The following RERE variants were observed in gnomAD, a reference collection of about 807,000 sequenced individuals.
RERE encodes arginine-glutamic acid dipeptide repeats.
Under a neutral mutation model 146.1 loss-of-function variants are expected in RERE, and 40 were observed. The ratio of observed to expected loss-of-function variants is 0.27; its 90% CI spans 0.21 to 0.36. The LOEUF is 0.36. Among genes scored for constraint, RERE ranks in the 10% least tolerant of loss-of-function variants. The pLI is 1.00. For missense variants in RERE, 1,933 were observed against 2,138.7 expected, an observed-to-expected ratio of 0.90 and a Z score of 1.90; for synonymous variants, 1,003 against 866.0, an observed-to-expected ratio of 1.16 and a Z score of -2.78.
intron 1 of RERE, among the ~76,000 whole-genome samples, chr1:8,659,022 TCC>T (rs1638393342): frequency 1.3e-5 from 2 of 152,242 alleles, no homozygotes; most frequent in South Asian, 2.1e-4. Context: ...CTAGATTACT[TCC>T]TTCTATGTAA....
At chr1:8,758,667 G>C (rs12057429) in intron 1 of RERE, among the ~76,000 whole-genome samples, 1 of 151,934 alleles carries the variant, frequency 6.6e-6, no homozygotes, top group Admixed American at 6.6e-5. Context: ...AGCTGAAGTA[G>C]AAGCAAAGAG....
At chr1:8,750,275 A>G (rs994383075) in intron 1 of RERE, among the ~76,000 whole-genome samples, 5 of 152,166 alleles carry the variant, frequency 3.3e-5, no homozygotes, top group African/African-American at 1.2e-4. Flanking sequence ...TGTTCAATAA[A>G]TGAATGCTTC....
At chr1:8,654,719 G>A (rs888415868) in intron 2 of RERE, among the ~76,000 whole-genome samples, 3 of 149,996 alleles carry the variant, frequency 2.0e-5, no homozygotes, top group Admixed American at 6.7e-5. Context: ...CTACAGCCTC[G>A]ACCTCCCAGA....
At chr1:8,593,135 C>T (rs961385194) in intron 4 of RERE, among the ~76,000 whole-genome samples, 2 of 152,158 alleles carry the variant, frequency 1.3e-5, no homozygotes, top group African/African-American at 4.8e-5. Flanking sequence ...CATTCAACGT[C>T]CATTCTCCCC....
chr1:8,408,432 G>C (rs536318348), intron 12 of RERE, among the ~76,000 whole-genome samples: 1 of 152,290 alleles, frequency 6.6e-6, no homozygotes, highest in Non-Finnish European at 1.5e-5. Context: ...AGGATGCCCT[G>C]CTGTACAACC....
At chr1:8,511,525 A>T (rs1645335038) in intron 7 of RERE, among the ~76,000 whole-genome samples, 1 of 152,244 alleles carries the variant, frequency 6.6e-6, no homozygotes, top group African/African-American at 2.4e-5. Flanking sequence ...CAGAATATAG[A>T]ATAAATGGCA....
At chr1:8,459,001 T>C (rs528726250) in intron 11 of RERE, among the ~76,000 whole-genome samples, 5 of 152,256 alleles carry the variant, frequency 3.3e-5, no homozygotes, top group African/African-American at 2.4e-5. Context: ...TGCAAACTAA[T>C]TGACAGAACT....
chr1:8,766,574 A>G (rs538989125), intron 1 of RERE, among the ~76,000 whole-genome samples: 154 of 151,882 alleles, frequency 1.0e-3, no homozygotes, highest in Non-Finnish European at 1.8e-3. Context: ...GAAAAGAAAA[A>G]AAAGAGAGAG....
At chr1:8,464,474 G>A (rs556540728) in intron 11 of RERE, among the ~76,000 whole-genome samples, 4 of 152,204 alleles carry the variant, frequency 2.6e-5, no homozygotes, top group South Asian at 2.1e-4. Flanking sequence ...CGGCCAGTGT[G>A]AGCCCCACTG....
At chr1:8,760,052 T>C (rs1252430810) in intron 1 of RERE, among the ~76,000 whole-genome samples, 1 of 152,088 alleles carries the variant, frequency 6.6e-6, no homozygotes, top group African/African-American at 2.4e-5. Context: ...TGAGATGGAG[T>C]TTCACTCTTG....
chr1:8,746,201 T>C (rs1640417256), intron 1 of RERE, among the ~76,000 whole-genome samples: 1 of 152,242 alleles, frequency 6.6e-6, no homozygotes, highest in African/African-American at 2.4e-5. Context: ...TGTTTATATC[T>C]CTGTTCAAAG....
chr1:8,435,171 T>G (rs1051736481), intron 11 of RERE, among the ~76,000 whole-genome samples: 1 of 152,248 alleles, frequency 6.6e-6, no homozygotes, highest in Admixed American at 6.5e-5. Context: ...CTTCCCCAAT[T>G]TGCATGCCTC....
chr1:8,575,798 A>G (rs541493455), intron 4 of RERE, among the ~76,000 whole-genome samples: 1 of 152,166 alleles, frequency 6.6e-6, no homozygotes, highest in African/African-American at 2.4e-5. Context: ...CCTACTTGGC[A>G]GGGTACAAGG....
chr1:8,501,282 G>A (rs1236985159), intron 8 of RERE, among the ~76,000 whole-genome samples: 6 of 133,456 alleles, frequency 4.5e-5, no homozygotes, highest in East Asian at 2.3e-4. Flanking sequence ...CGCCCCTACC[G>A]GGAAGTGAGG....
intron 1 of RERE, among the ~76,000 whole-genome samples, chr1:8,809,944 C>CA: frequency 6.6e-6 from 1 of 152,022 alleles, no homozygotes; most frequent in Non-Finnish European, 1.5e-5. Flanking sequence ...GTGGCCAAAC[C>CA]AAAAAAACTT....
chr1:8,744,663 TAAAATAAGAAAACACAGAA>T (rs1640385142), intron 1 of RERE, among the ~76,000 whole-genome samples: 2 of 152,122 alleles, frequency 1.3e-5, no homozygotes, highest in South Asian at 4.1e-4. Context: ...ACTTTAGCGA[TAAAATAAGAAAACACAGAA>T]ATAGAGGTGT....
chr1:8,611,499 G>A (rs1339094715), intron 4 of RERE, among the ~76,000 whole-genome samples: 2 of 152,068 alleles, frequency 1.3e-5, no homozygotes, highest in Non-Finnish European at 2.9e-5. Context: ...GTGAGACTCT[G>A]TCTCAAAACA....
At chr1:8,403,765 T>A (rs2124444951) in intron 12 of RERE, among the ~76,000 whole-genome samples, 1 of 151,232 alleles carries the variant, frequency 6.6e-6, no homozygotes, top group Admixed American at 6.6e-5. Context: ...TATGTTTCCT[T>A]GTTAAAAATT....
At chr1:8,491,777 G>C (rs1644982843) in intron 10 of RERE, among the ~76,000 whole-genome samples, 1 of 152,150 alleles carries the variant, frequency 6.6e-6, no homozygotes, top group Non-Finnish European at 1.5e-5. Flanking sequence ...TTTCATTTAA[G>C]TTCTATGTTG....
Sources: allele counts gnomAD v4.1 joint callset (sites outside exome capture counted in the v4.1 genomes callset), GRCh38; gene constraint gnomAD v4.1.1; transcripts MANE v1.5; gene names NCBI Gene and HGNC (gene_info 2026-07-23, HGNC 2026-07-21).